SPATA1: variants seen among roughly 807,000 people sequenced by gnomAD.
SPATA1 encodes spermatogenesis associated 1, also known as spermatogenesis-associated protein 1.
A neutral mutation model predicts 59.6 loss-of-function variants in SPATA1; 57 were observed. The ratio of observed to expected loss-of-function variants is 0.96; its 90% CI spans 0.77 to 1.19. The LOEUF is 1.19. Among genes scored for constraint, SPATA1 ranks in the 50% most tolerant of loss-of-function variants. SPATA1 has a pLI of 0.00. For missense variants in SPATA1, 448 were observed against 480.7 expected (o/e 0.93, Z 0.64); for synonymous variants, 147 against 163.9 (o/e 0.90, Z 0.79).
chr1:84,507,944 T>C (rs928206071), intron 1 of SPATA1, among the ~76,000 whole-genome samples: 1 of 152,124 alleles, frequency 6.6e-6, no homozygotes, highest in African/African-American at 2.4e-5. Context: ...TGTTATTTTT[T>C]TGTAGCGTGT....
intron 2 of SPATA1, among the ~76,000 whole-genome samples, chr1:84,518,286 A>C (rs1486591980): frequency 6.6e-6 from 1 of 152,116 alleles, no homozygotes; most frequent in African/African-American, 2.4e-5. Flanking sequence ...TTCGAGGACA[A>C]TTGGGAAAAT....
intron 6 of SPATA1, among the ~76,000 whole-genome samples, chr1:84,529,838 G>A (rs1683393362): frequency 6.7e-6 from 1 of 150,118 alleles, no homozygotes. Flanking sequence ...GAGTGACTGC[G>A]CCCGGCTGAA....
intron 4 of SPATA1, among the ~76,000 whole-genome samples, chr1:84,564,555 TTA>T (rs1265465869): frequency 6.6e-6 from 1 of 152,188 alleles, no homozygotes; most frequent in African/African-American, 2.4e-5. Flanking sequence ...GTTGATTTAT[TTA>T]TGATACAAAG....
intron 9 of SPATA1, among the ~76,000 whole-genome samples, chr1:84,545,264 T>TAA (rs1385564937): frequency 2.0e-5 from 3 of 149,110 alleles, no homozygotes; most frequent in East Asian, 3.9e-4. Context: ...CATATATATA[T>TAA]AATCCTAAAA....
At chr1:84,535,480 T>A (rs1341039261) in intron 8 of SPATA1, among the ~76,000 whole-genome samples, 1 of 152,180 alleles carries the variant, frequency 6.6e-6, no homozygotes, top group Non-Finnish European at 1.5e-5. Context: ...GAACACAATA[T>A]ATTTCTCTAT....
intron 6 of SPATA1, among the ~76,000 whole-genome samples, chr1:84,532,455 C>A (rs1016482820): frequency 6.6e-6 from 1 of 152,044 alleles, no homozygotes; most frequent in African/African-American, 2.4e-5. Flanking sequence ...GAGATTGCAC[C>A]ACTGCACTCC....
exon 2 of SPATA1, chr1:84,516,381 C>T (rs1279729589): frequency 7.3e-6 from 11 of 1,508,252 alleles, no homozygotes; most frequent in Non-Finnish European, 9.7e-6. Context: ...TCCAAGTCGA[C>T]CTTCCTCATC....
chr1:84,543,421 T>C (rs1683977838), intron 8 of SPATA1, among the ~76,000 whole-genome samples: 1 of 152,084 alleles, frequency 6.6e-6, no homozygotes, highest in South Asian at 2.1e-4. Flanking sequence ...CTGCAGGCTG[T>C]ACAGGAAGCA....
chr1:84,562,457 A>T (rs1684613415), intron 4 of SPATA1, among the ~76,000 whole-genome samples: 1 of 152,174 alleles, frequency 6.6e-6, no homozygotes, highest in Admixed American at 6.5e-5. Flanking sequence ...GTTTGCAGTC[A>T]TTTTTTTATA....
At chr1:84,523,415 T>C (rs1683102998) in intron 4 of SPATA1, among the ~76,000 whole-genome samples, 1 of 152,206 alleles carries the variant, frequency 6.6e-6, no homozygotes, top group African/African-American at 2.4e-5. Flanking sequence ...CATATTCTTA[T>C]TTCACTCTCA....
intron 1 of SPATA1, among the ~76,000 whole-genome samples, chr1:84,514,304 A>T (rs1486079870): frequency 6.6e-6 from 1 of 152,176 alleles, no homozygotes; most frequent in Non-Finnish European, 1.5e-5. Context: ...ATCAGAAATG[A>T]TAAAGGGAGT....
intron 8 of SPATA1, among the ~76,000 whole-genome samples, chr1:84,535,870 T>C (rs1294989961): frequency 6.6e-6 from 1 of 152,224 alleles, no homozygotes; most frequent in Non-Finnish European, 1.5e-5. Context: ...ATAATAATGA[T>C]GGCTTCTTGC....
At chr1:84,560,137 A>G (rs1029035408) in intron 4 of SPATA1, among the ~76,000 whole-genome samples, 2 of 151,182 alleles carry the variant, frequency 1.3e-5, no homozygotes, top group African/African-American at 4.9e-5. Context: ...AAGAAAGGAA[A>G]GAAAGAAAGA....
At chr1:84,536,082 C>T (rs145240891) in intron 8 of SPATA1, among the ~76,000 whole-genome samples, 1 of 152,148 alleles carries the variant, frequency 6.6e-6, no homozygotes, top group African/African-American at 2.4e-5. Flanking sequence ...AAAACTTTTA[C>T]AAATGAGAAT....
chr1:84,544,135 C>T, intron 8 of SPATA1, 67 bp from the exon 9 acceptor site: 1 of 1,059,966 alleles, frequency 9.4e-7, no homozygotes, highest in African/African-American at 1.6e-5. Flanking sequence ...TATCAAATAC[C>T]TACGGGCAAG....
intron 9 of SPATA1, among the ~76,000 whole-genome samples, chr1:84,544,838 G>C (rs541270303): frequency 3.3e-5 from 5 of 151,852 alleles, no homozygotes; most frequent in Non-Finnish European, 5.9e-5. Context: ...TGGGATTACA[G>C]GTGTGAGCCA....
chr1:84,528,011 G>A (rs1490512369), intron 6 of SPATA1, among the ~76,000 whole-genome samples: 8 of 152,268 alleles, frequency 5.3e-5, no homozygotes, highest in South Asian at 2.1e-4. Context: ...GATTACAGGC[G>A]TGAGCCACCG....
intron 1 of SPATA1, among the ~76,000 whole-genome samples, chr1:84,515,523 C>T (rs567794361): frequency 6.6e-6 from 1 of 152,210 alleles, no homozygotes; most frequent in South Asian, 2.1e-4. Context: ...AGAAGAGCTT[C>T]AGCTCTTGTG....
intron 4 of SPATA1, chr1:84,563,399 G>A: frequency 6.4e-7 from 1 of 1,571,670 alleles, no homozygotes; most frequent in Non-Finnish European, 8.6e-7. Context: ...AGGGACTTTT[G>A]CAATGGTACA....
Sources: gnomAD v4.1 joint callset for allele counts (sites outside exome capture counted in the v4.1 genomes callset) on GRCh38, gnomAD v4.1.1 for gene constraint, MANE v1.5 for transcripts, NCBI Gene and HGNC (gene_info 2026-07-23, HGNC 2026-07-21) for gene names.